The following KBTBD3 variants were observed in gnomAD, a reference collection of about 807,000 sequenced individuals.
The protein encoded by KBTBD3 is kelch repeat and BTB domain containing 3.
A neutral mutation model predicts 49.6 loss-of-function variants in KBTBD3; 38 were observed. That is an observed-to-expected ratio of 0.77 (90% CI 0.59 to 1.00). The LOEUF is 1.00. Among genes scored for constraint, KBTBD3 ranks in the 50% least tolerant of loss-of-function variants. The pLI, the probability that KBTBD3 is intolerant of heterozygous loss-of-function variation, is 0.00. For missense variants in KBTBD3, 661 were observed against 712.0 expected (o/e 0.93, Z 0.81); for synonymous variants, 214 against 250.4 (o/e 0.85, Z 1.37).
rs1407205983 is a variant in KBTBD3, at chr11:106,054,020, A to C, written c.669T>G (p.Thr223=). ...TTTGCCTTGATTCTAAGTTATGTTT[A>C]GTCCAACTAAGGACAACTTTCAGTA... ...EMVLKVVLSW[T]KHNLESRQKY... Residue 223 remains threonine (T), a synonymous_variant, in exon 4 of 4, where the codon ACT becomes ACG. Transcript: ENST00000531837. 1 of 1,613,676 alleles carries C rather than the reference A, an allele frequency of 6.2e-7. No homozygotes were observed. The highest frequency in any genetic ancestry group is 1.3e-5 in the African/African-American group (1 of 74,932).
rs1432375483 is a variant in KBTBD3, at chr11:106,051,113, A to G, written c.*1737T>C. On this transcript the variant is annotated 3_prime_UTR_variant, in exon 4 of 4. Coordinates refer to ENST00000531837, the MANE Select transcript of KBTBD3 (RefSeq NM_198439.3). Reference sequence around the variant, plus strand: ...ATTCCTAAAGTCAGTGATGAAAACAATATTTATTTTAAACATACTCTATTA... The same window carrying G: ...ATTCCTAAAGTCAGTGATGAAAACAGTATTTATTTTAAACATACTCTATTA... 1 of 151,940 alleles carries G rather than the reference A, an allele frequency of 6.6e-6. No homozygotes were observed. Among genetic ancestry groups the G allele is most frequent in the Non-Finnish European group, 1.5e-5 (1 of 67,868 alleles). The allele number at this position is 151,940 out of a possible 1,614,324, so 9.4% of individuals were successfully genotyped here.
chr11:106,067,811 T>G (rs1284644568), intron 2 of KBTBD3, among the ~76,000 whole-genome samples: 2 of 152,074 alleles, frequency 1.3e-5, no homozygotes, highest in East Asian at 3.9e-4. Flanking sequence ...GTAAGTGGTC[T>G]ACATATACCA....
chr11:106,054,114 T>C lies in KBTBD3; in HGVS notation c.575A>G (p.Glu192Gly). 8 of 1,613,262 alleles carry C rather than the reference T, an allele frequency of 5.0e-6. 1 individual carries two copies. The highest frequency in any genetic ancestry group is 1.7e-4 in the Middle Eastern group (1 of 6,052). Residue 192 changes from glutamate (E) to glycine (G), a missense_variant, in exon 4 of 4, where the codon GAG (glutamate) becomes GGG (glycine). Glu to Gly is a moderately conservative substitution (Grantham distance 98). Coordinates refer to ENST00000531837, the MANE Select transcript of KBTBD3 (RefSeq NM_198439.3). ...SLLFKSSDFL[E>G]MNFGVLQKCL... Reference sequence around the variant, plus strand: ...TTTCTGTAGTACTCCAAAATTCATCTCTAAGAAATCACTGGATTTAAATAA... The same window carrying C: ...TTTCTGTAGTACTCCAAAATTCATCCCTAAGAAATCACTGGATTTAAATAA...
rs773026640 is a variant in KBTBD3, at chr11:106,058,994, C to G, written c.104G>C (p.Gly35Ala). The G allele has an allele frequency of 6.4e-7, 1 of 1,555,014 alleles. No homozygotes were observed. Among genetic ancestry groups the G allele is most frequent in the African/African-American group, 1.4e-5 (1 of 70,512 alleles). ...CTGTAGTACACTTAAGATTTTTTGT[C>G]CATGATCTTCTGATACAAGGAAGTT... ...KNNFLVSEDH[G>A]QKILSVLQNF... The change falls in exon 3 of 4, where the codon GGA (glycine) becomes GCA (alanine). Residue 35 changes from glycine to alanine, a missense_variant. Physicochemically the swap from Gly to Ala is moderately conservative, Grantham distance 60 (BLOSUM62 0). Transcript: ENST00000531837.
In KBTBD3 at chr11:106,053,067, C is replaced by G; in HGVS notation, c.1622G>C (p.Gly541Ala). The change falls in exon 4 of 4, where the codon GGC (glycine) becomes GCC (alanine). Residue 541 changes from glycine (G) to alanine (A), a missense_variant. Physicochemically the swap from Gly to Ala is moderately conservative, Grantham distance 60 (BLOSUM62 0). Coordinates refer to ENST00000531837, the MANE Select transcript of KBTBD3 (RefSeq NM_198439.3). ...WKGEGSFECA[G>A]FNAGAIGIED... is the part of the protein sequence containing the mutation. ...AATTCCAATTGCACCTGCATTAAAG[C>G]CTGCACACTCAAAAGATCCTTCGCC... is the stretch of plus-strand genomic sequence containing the variant. The G allele has an allele frequency of 6.2e-7, 1 of 1,613,654 alleles. No homozygotes were observed. Among genetic ancestry groups the G allele is most frequent in the Non-Finnish European group, 8.5e-7 (1 of 1,179,760 alleles).
Position 106,053,606 on chromosome 11 carries a change from A to C in KBTBD3, c.1083T>G (p.His361Gln), listed in dbSNP as rs140726653. The part of the protein sequence containing the change: ...KGKCCRTVRL[H>Q]IAESYHDATD... ...TGGCATCATGATATGACTCGGCAAT[A>C]TGCAGTCGAACCGTTCGACAACATT... Residue 361 changes from histidine to glutamine, a missense_variant, in exon 4 of 4, where the codon CAT becomes CAG. Coordinates refer to ENST00000531837, the MANE Select transcript of KBTBD3 (RefSeq NM_198439.3). 1 of 1,613,948 alleles carries C rather than the reference A, an allele frequency of 6.2e-7. No homozygotes were observed. Among genetic ancestry groups the C allele is most frequent in the East Asian group, 2.2e-5 (1 of 44,878 alleles).
At chr11:106,064,915 T>C (rs1435163372) in intron 2 of KBTBD3, among the ~76,000 whole-genome samples, 2 of 152,200 alleles carry the variant, frequency 1.3e-5, no homozygotes, top group African/African-American at 2.4e-5. Flanking sequence ...ATCCCTCTAA[T>C]GTGATAGAAG....
Position 106,052,580 on chromosome 11 carries a change from A to G in KBTBD3, c.*270T>C, listed in dbSNP as rs2134989822. 1 of 333,110 alleles carries G rather than the reference A, an allele frequency of 3.0e-6. No individual in the cohort carries two copies. The highest frequency in any genetic ancestry group is 2.1e-5 in the African/African-American group (1 of 46,694). 20.6% of individuals were successfully genotyped at this position (333,110 alleles called of 1,614,324 possible). On this transcript the variant is annotated 3_prime_UTR_variant, in exon 4 of 4. Transcript: ENST00000531837. ...CTTTTATGGACAGAGTACTTTAAAA[A>G]TCAAAGTGTCAGAGTCTATGATTTG... is the stretch of plus-strand genomic sequence containing the variant.
chr11:106,053,344 C>T lies in KBTBD3; in HGVS notation c.1345G>A (p.Ala449Thr). 3.7e-6 allele frequency: 6 copies of T among 1,613,282 alleles called. No homozygotes were observed. Among genetic ancestry groups the T allele is most frequent in the Non-Finnish European group, 5.1e-6 (6 of 1,179,818 alleles). ...PLPRGIYYPE[A>T]STCQNVIYVL... is the part of the protein sequence containing the mutation. ...TAAATTACATTTTGGCATGTGCTTG[C>T]TTCTGGATAGTATATGCCTCTGGGT... The change falls in exon 4 of 4, where the codon GCA becomes ACA. Residue 449 changes from alanine (A) to threonine (T), a missense_variant. Physicochemically the swap from Ala to Thr is moderately conservative, Grantham distance 58. Transcript: ENST00000531837.
intron 2 of KBTBD3, among the ~76,000 whole-genome samples, chr11:106,074,507 C>G (rs1413018876): frequency 5.3e-5 from 8 of 152,164 alleles, no homozygotes; most frequent in South Asian, 4.1e-4. Flanking sequence ...TTGAAACACT[C>G]GTCTTTTAGT....
rs942180423 is a variant in KBTBD3 at position 106,052,240 on chromosome 11, T to G, written c.*610A>C. On this transcript the variant is annotated 3_prime_UTR_variant, in exon 4 of 4. Coordinates refer to ENST00000531837, the MANE Select transcript of KBTBD3 (RefSeq NM_198439.3). ...GACATTGAAAACTAATCAGCAATTTTTAAAGCATTTAAGTAACTGCTAATG... is the reference window on the plus strand; with the variant it reads ...GACATTGAAAACTAATCAGCAATTTGTAAAGCATTTAAGTAACTGCTAATG... The G allele has an allele frequency of 6.6e-6, 1 of 151,846 alleles. No homozygotes were observed. Among genetic ancestry groups the G allele is most frequent in the African/African-American group, 2.4e-5 (1 of 41,390 alleles). 9.4% of individuals were successfully genotyped at this position (151,846 alleles called of 1,614,324 possible).
chr11:106,055,483 CA>C (rs1257074680), intron 3 of KBTBD3, among the ~76,000 whole-genome samples: 2 of 152,076 alleles, frequency 1.3e-5, no homozygotes, highest in African/African-American at 4.8e-5. Flanking sequence ...AGGGGACTTG[CA>C]AAATGTTACA....
At chr11:106,062,281 G>A (rs1231182584) in intron 2 of KBTBD3, among the ~76,000 whole-genome samples, 1 of 152,144 alleles carries the variant, frequency 6.6e-6, no homozygotes, top group African/African-American at 2.4e-5. Flanking sequence ...CAAAACCAAT[G>A]TGATGGATGA....
intron 2 of KBTBD3, among the ~76,000 whole-genome samples, chr11:106,068,069 A>G (rs1455501988): frequency 6.6e-6 from 1 of 152,016 alleles, no homozygotes. Context: ...AAAAATATAT[A>G]TGCACCAAAT....
intron 2 of KBTBD3, among the ~76,000 whole-genome samples, chr11:106,064,373 C>A (rs1014560160): frequency 6.6e-6 from 1 of 151,666 alleles, no homozygotes; most frequent in Non-Finnish European, 1.5e-5. Flanking sequence ...TGGTGAAACC[C>A]CGTCTCTATG....
In KBTBD3 at chr11:106,061,330, T is replaced by C. The variant is rs530006996; in HGVS notation, c.-12-2221A>G. On this transcript the variant is annotated intron_variant, in intron 2 of 3. Coordinates refer to ENST00000531837, the MANE Select transcript of KBTBD3 (RefSeq NM_198439.3). Reference sequence around the variant, plus strand: ...TATGCAATACAGTAACCATGAGCCATGTGTAGCTATTTAAATTACTTGTAA... The same window carrying C: ...TATGCAATACAGTAACCATGAGCCACGTGTAGCTATTTAAATTACTTGTAA... Among the ~76,000 whole-genome samples the C allele has an allele frequency of 3.3e-5, 5 of 152,312 alleles. No homozygotes were observed. The South Asian group carries it at 1.0e-3, about 32-fold the overall frequency.
intron 3 of KBTBD3, chr11:106,057,870 A>T (rs1860586650): frequency 2.6e-6 from 1 of 381,130 alleles, no homozygotes; most frequent in African/African-American, 2.1e-5. Flanking sequence ...CTTTTCTCGC[A>T]GAGTTATTTT....
rs1860480566 is a variant in KBTBD3, at chr11:106,053,665, C to G, written c.1024G>C (p.Glu342Gln). 5.6e-6 allele frequency: 9 copies of G among 1,613,800 alleles called. No homozygotes were observed. Among genetic ancestry groups the G allele is most frequent in the Non-Finnish European group, 7.6e-6 (9 of 1,179,898 alleles). Residue 342 changes from glutamate (E) to glutamine (Q), a missense_variant, in exon 4 of 4, where the codon GAG (glutamate) becomes CAG (glutamine). Coordinates refer to ENST00000531837, the MANE Select transcript of KBTBD3 (RefSeq NM_198439.3). Reference sequence around the variant, plus strand: ...CAACCACCTGTCAAGAATATTTTCTCTCCGTAACTCGAAAGACTAGATCCT... The same window carrying G: ...CAACCACCTGTCAAGAATATTTTCTGTCCGTAACTCGAAAGACTAGATCCT... The part of the protein sequence containing the change: ...LPGSSLSSYG[E>Q]KIFLTGGCKG...
chr11:106,074,192 C>A (rs980352890), intron 2 of KBTBD3, among the ~76,000 whole-genome samples: 1 of 149,820 alleles, frequency 6.7e-6, no homozygotes, highest in African/African-American at 2.4e-5. Flanking sequence ...CATTAGCATG[C>A]AAATTCTAGT....
Sources: gnomAD v4.1 joint callset for allele counts (sites outside exome capture counted in the v4.1 genomes callset) on GRCh38, gnomAD v4.1.1 for gene constraint, MANE v1.5 for transcripts, NCBI Gene and HGNC (gene_info 2026-07-23, HGNC 2026-07-21) for gene names.